The following PDE4B variants were observed in gnomAD, a reference collection of about 807,000 sequenced individuals.
The protein encoded by PDE4B is 3',5'-cyclic-AMP phosphodiesterase 4B.
Under a neutral mutation model 82.2 loss-of-function variants are expected in PDE4B, and 20 were observed. The observed-to-expected ratio is 0.24, with a 90% CI of 0.17 to 0.35. The LOEUF is 0.35. PDE4B is among the 10% of genes least tolerant of loss of function. PDE4B has a pLI of 1.00. For missense variants in PDE4B, 655 were observed against 907.2 expected (o/e 0.72, Z 3.57); for synonymous variants, 320 against 318.9 (o/e 1.00, Z -0.04).
intron 7 of PDE4B, among the ~76,000 whole-genome samples, chr1:66,302,105 A>G (rs1471779138): frequency 6.6e-6 from 1 of 152,180 alleles, no homozygotes; most frequent in Admixed American, 6.6e-5. Context: ...TCGAAATTGC[A>G]GTGCTCTGTC....
intron 1 of PDE4B, among the ~76,000 whole-genome samples, chr1:65,797,264 G>A (rs1486886596): frequency 6.6e-6 from 1 of 152,156 alleles, no homozygotes; most frequent in Non-Finnish European, 1.5e-5. Context: ...AACATTTTTA[G>A]AATAAATGCT....
chr1:66,192,688 T>C (rs985114620), intron 3 of PDE4B, among the ~76,000 whole-genome samples: 2 of 152,188 alleles, frequency 1.3e-5, no homozygotes, highest in African/African-American at 4.8e-5. Flanking sequence ...GGGAAAACTT[T>C]TATTGTCCTA....
At chr1:66,274,348 T>A (rs1224133294) in intron 7 of PDE4B, among the ~76,000 whole-genome samples, 1 of 151,780 alleles carries the variant, frequency 6.6e-6, no homozygotes, top group Non-Finnish European at 1.5e-5. Context: ...TTTTTATATA[T>A]TTTTAGTAGA....
intron 3 of PDE4B, among the ~76,000 whole-genome samples, chr1:66,090,616 A>ATATATATATATATAT (rs200925983): frequency 1.1e-5 from 1 of 89,942 alleles, no homozygotes; most frequent in African/African-American, 4.6e-5. Context: ...ATATGTATAT[A>ATATATATATATATAT]ATATATGTGT....
intron 1 of PDE4B, among the ~76,000 whole-genome samples, chr1:65,806,483 ACTAAAATAGCTTAGATGAGTTATT>A (rs1429026201): frequency 6.6e-6 from 1 of 152,220 alleles, no homozygotes; most frequent in African/African-American, 2.4e-5. Context: ...AAGAACACAT[ACTAAAATAGCTTAGATGAGTTATT>A]CTAAAAACTG....
chr1:66,366,256 G>A lies in PDE4B; in HGVS notation c.1384+490G>A, dbSNP rs2275645. Among the ~76,000 whole-genome samples, 48 of 152,182 alleles carry A rather than the reference G, an allele frequency of 3.2e-4. No individual in the cohort carries two copies. In the East Asian group the frequency reaches 9.1e-3, roughly 29 times the overall value. ...GAGTTTCCACAGTTCAGAAGGAAGGGTCATTAAAAGTTCCATACATTTTCT... is the reference window on the plus strand; with the variant it reads ...GAGTTTCCACAGTTCAGAAGGAAGGATCATTAAAAGTTCCATACATTTTCT... On this transcript the variant is annotated intron_variant, in intron 13 of 16. Coordinates refer to ENST00000341517, the MANE Select transcript of PDE4B (RefSeq NM_002600.4).
Position 65,922,943 on chromosome 1 carries a change from G to T in PDE4B, c.281+4108G>T, listed in dbSNP as rs1047950532. On this transcript the variant is annotated intron_variant, in intron 3 of 16. Transcript: ENST00000341517. The stretch of plus-strand genomic sequence containing the variant: ...AGGAGTATACCAGTACTAACTTACT[G>T]CCATCTTTGTGAAGCTGTTCTCCCA... 9.2e-5 allele frequency among the ~76,000 whole-genome samples: 14 copies of T among 152,208 alleles called. No homozygotes were observed. In the South Asian group the frequency reaches 1.9e-3, roughly 20 times the overall value.
intron 7 of PDE4B, among the ~76,000 whole-genome samples, chr1:66,272,864 C>T (rs757370039): frequency 1.5e-4 from 21 of 139,966 alleles, no homozygotes; most frequent in Non-Finnish European, 2.7e-4. Context: ...AATCTTGGCT[C>T]ACTGCAACCT....
chr1:66,343,118 T>C (rs1661134415), intron 8 of PDE4B, among the ~76,000 whole-genome samples: 1 of 151,638 alleles, frequency 6.6e-6, no homozygotes. Context: ...TGAGGGAAAA[T>C]CCATTTACAG....
chr1:66,307,429 T>G (rs560686574), intron 7 of PDE4B, among the ~76,000 whole-genome samples: 3 of 152,078 alleles, frequency 2.0e-5, no homozygotes, highest in Non-Finnish European at 4.4e-5. Context: ...CTGAAGCAGA[T>G]GGTTAAAAGC....
intron 3 of PDE4B, among the ~76,000 whole-genome samples, chr1:66,018,255 A>C (rs1652891135): frequency 6.6e-6 from 1 of 151,980 alleles, no homozygotes; most frequent in African/African-American, 2.4e-5. Flanking sequence ...GTCTCTACCA[A>C]AAATACAAAA....
intron 3 of PDE4B, among the ~76,000 whole-genome samples, chr1:66,240,439 A>G (rs577120445): frequency 1.3e-5 from 2 of 152,318 alleles, no homozygotes; most frequent in Admixed American, 1.3e-4. Context: ...TCTTAACTCA[A>G]ATGACACCGC....
chr1:66,097,862 GTTT>G (rs34619073), intron 3 of PDE4B, among the ~76,000 whole-genome samples: 1 of 139,002 alleles, frequency 7.2e-6, no homozygotes. Context: ...TTGCTGCTGG[GTTT>G]TTTTTTTTTT....
chr1:66,128,395 G>A (rs1002215966), intron 3 of PDE4B, among the ~76,000 whole-genome samples: 2 of 152,172 alleles, frequency 1.3e-5, no homozygotes, highest in African/African-American at 4.8e-5. Context: ...CAGAGTTGTT[G>A]CCATCGTCTC....
rs1663191174 is a variant in PDE4B at position 66,365,700 on chromosome 1, A to G, written c.1318A>G (p.Ile440Val). The G allele has an allele frequency of 6.2e-7, 1 of 1,609,470 alleles. No individual in the cohort carries two copies. The highest frequency in any genetic ancestry group is 8.5e-7 in the Non-Finnish European group (1 of 1,176,586). Residue 440 changes from isoleucine (I) to valine (V), a missense_variant, in exon 13 of 17, where the codon ATT becomes GTT. Coordinates refer to ENST00000341517, the MANE Select transcript of PDE4B (RefSeq NM_002600.4). ...CACAGATTTGGAGATCCTGGCTGCC[A>G]TTTTTGCAGCTGCCATCCATGACGT... is the stretch of plus-strand genomic sequence containing the variant. ...VFTDLEILAA[I>V]FAAAIHDVDH...
chr1:66,117,030 T>C (rs1432559195), intron 3 of PDE4B, among the ~76,000 whole-genome samples: 1 of 152,208 alleles, frequency 6.6e-6, no homozygotes, highest in Non-Finnish European at 1.5e-5. Context: ...CCTCTCTTGA[T>C]CATTGTGTAT....
At chr1:65,900,119 C>T (rs914463492) in intron 1 of PDE4B, among the ~76,000 whole-genome samples, 1 of 151,958 alleles carries the variant, frequency 6.6e-6, no homozygotes, top group Admixed American at 6.6e-5. Flanking sequence ...TTTAATCAAC[C>T]TTGAGAAAAT....
intron 1 of PDE4B, among the ~76,000 whole-genome samples, chr1:65,906,511 G>A (rs1647029579): frequency 6.6e-6 from 1 of 152,058 alleles, no homozygotes; most frequent in African/African-American, 2.4e-5. Flanking sequence ...AGATTAATCA[G>A]TGATTACTTT....
At chr1:65,839,420 G>T (rs1164586922) in intron 1 of PDE4B, among the ~76,000 whole-genome samples, 2 of 151,844 alleles carry the variant, frequency 1.3e-5, no homozygotes, top group Non-Finnish European at 2.9e-5. Flanking sequence ...CCCTTCCCTT[G>T]CCCTCCACAC....
Sources: gnomAD v4.1 joint callset for allele counts (sites outside exome capture counted in the v4.1 genomes callset) on GRCh38, gnomAD v4.1.1 for gene constraint, MANE v1.5 for transcripts, NCBI Gene and HGNC (gene_info 2026-07-23, HGNC 2026-07-21) for gene names.